DLGAP2: variants seen among roughly 807,000 people sequenced by gnomAD.
DLGAP2 encodes DLG associated protein 2, also known as disks large-associated protein 2.
DLGAP2 carries 26 observed loss-of-function variants against 100.3 expected under a neutral mutation model. That is an observed-to-expected ratio of 0.26 (90% confidence interval 0.19 to 0.36). The LOEUF (loss-of-function observed/expected upper bound fraction) is 0.36. DLGAP2 is among the 10% of genes least tolerant of loss of function. The probability of loss-of-function intolerance (pLI) is 1.00; values close to 1 mark genes in which losing one functional copy is unlikely to be tolerated. For missense variants in DLGAP2, 1,858 were observed against 1,453.2 expected (o/e 1.28, Z -4.53); for synonymous variants, 886 against 630.1 (o/e 1.41, Z -6.08).
intron 2 of DLGAP2, among the ~76,000 whole-genome samples, chr8:953,664 A>G (rs1046800926): frequency 1.3e-5 from 2 of 151,392 alleles, no homozygotes; most frequent in African/African-American, 4.9e-5. Flanking sequence ...GTCTTTTTTC[A>G]CATAAAAACA....
intron 4 of DLGAP2, among the ~76,000 whole-genome samples, chr8:1,533,556 C>A (rs1167482929): frequency 6.6e-6 from 1 of 151,660 alleles, no homozygotes; most frequent in South Asian, 2.1e-4. Flanking sequence ...GCACTGATGG[C>A]AATAAATAAA....
chr8:1,094,072 G>A (rs936405945), intron 2 of DLGAP2, among the ~76,000 whole-genome samples: 3 of 151,688 alleles, frequency 2.0e-5, no homozygotes, highest in East Asian at 2.0e-4. Flanking sequence ...GGGCAGCTGC[G>A]AGGTGGGCGG....
intron 1 of DLGAP2, among the ~76,000 whole-genome samples, chr8:897,732 C>A (rs777723742): frequency 2.6e-5 from 4 of 151,968 alleles, no homozygotes; most frequent in Admixed American, 6.6e-5. Flanking sequence ...TCCTGAGTTT[C>A]GGGTGAGCCA....
intron 3 of DLGAP2, among the ~76,000 whole-genome samples, chr8:1,350,116 G>C (rs1383772718): frequency 2.0e-5 from 3 of 152,124 alleles, no homozygotes; most frequent in African/African-American, 7.2e-5. Context: ...AAAATCAGCT[G>C]GTTATTAAAC....
At chr8:1,504,099 G>A (rs1327560439) in intron 4 of DLGAP2, among the ~76,000 whole-genome samples, 2 of 151,886 alleles carry the variant, frequency 1.3e-5, no homozygotes, top group East Asian at 1.9e-4. Context: ...TGTCAGTCAG[G>A]ATCACTTGGG....
At chr8:815,431 G>A (rs1275208796) in intron 1 of DLGAP2, among the ~76,000 whole-genome samples, 1 of 152,214 alleles carries the variant, frequency 6.6e-6, no homozygotes, top group Non-Finnish European at 1.5e-5. Context: ...GACCATCACA[G>A]TGGTCAGTCA....
intron 1 of DLGAP2, among the ~76,000 whole-genome samples, chr8:897,832 G>A (rs558215494): frequency 3.3e-5 from 5 of 152,260 alleles, no homozygotes; most frequent in East Asian, 1.9e-4. Context: ...GGTGCTCTCC[G>A]TGCGGGGTTG....
chr8:1,170,283 G>T (rs1469669120), intron 2 of DLGAP2, among the ~76,000 whole-genome samples: 1 of 152,072 alleles, frequency 6.6e-6, no homozygotes, highest in East Asian at 1.9e-4. Flanking sequence ...GATTCGTTTT[G>T]CCAGTATTTT....
intron 1 of DLGAP2, among the ~76,000 whole-genome samples, chr8:807,293 G>A (rs868165176): frequency 9.8e-4 from 120 of 122,936 alleles, no homozygotes; most frequent in African/African-American, 3.7e-3. Context: ...TCATTCATAC[G>A]TTCTCTCTCC....
At chr8:1,224,925 T>C (rs543805701) in intron 2 of DLGAP2, among the ~76,000 whole-genome samples, 3 of 152,272 alleles carry the variant, frequency 2.0e-5, no homozygotes, top group Non-Finnish European at 4.4e-5. Context: ...GTGACAAAAT[T>C]AATCGGAAGC....
intron 4 of DLGAP2, among the ~76,000 whole-genome samples, chr8:1,507,522 G>A (rs1384888743): frequency 2.6e-5 from 4 of 151,994 alleles, no homozygotes; most frequent in Non-Finnish European, 5.9e-5. Context: ...ACGCCTCCCC[G>A]CAAGCAGAGG....
chr8:1,345,568 C>A (rs888992140), intron 3 of DLGAP2, among the ~76,000 whole-genome samples: 2 of 152,202 alleles, frequency 1.3e-5, no homozygotes, highest in African/African-American at 2.4e-5. Context: ...CTTAAGAAAA[C>A]ACATTGTGTG....
chr8:1,660,812 C>G (rs6993274), intron 8 of DLGAP2, among the ~76,000 whole-genome samples: 6,352 of 152,276 alleles, frequency 0.042, 439 homozygotes, highest in African/African-American at 0.14. Context: ...TCAATCAAAA[C>G]TTTCCCTTGG....
Position 1,704,473 on chromosome 8 carries a change from C to G in DLGAP2, c.*3067C>G, listed in dbSNP as rs760244836. 3 of 152,220 alleles carry G rather than the reference C, an allele frequency of 2.0e-5. No individual in the cohort carries two copies. The highest frequency in any genetic ancestry group is 2.9e-5 in the Non-Finnish European group (2 of 68,036). 9.4% of individuals were successfully genotyped at this position (152,220 alleles called of 1,614,324 possible). On this transcript the variant is annotated 3_prime_UTR_variant, in exon 15 of 15. Transcript: ENST00000637795. ...GGGAAAGGAGAATGCTGCTTGTCACCTAGAGTGCTTTCCTTGTGATGCGTC... is the reference window on the plus strand; with the variant it reads ...GGGAAAGGAGAATGCTGCTTGTCACGTAGAGTGCTTTCCTTGTGATGCGTC...
At chr8:1,542,659 G>A (rs1050348983) in intron 4 of DLGAP2, among the ~76,000 whole-genome samples, 9 of 152,150 alleles carry the variant, frequency 5.9e-5, no homozygotes, top group South Asian at 2.1e-4. Context: ...CATTGAGGTC[G>A]TCTCCACTTT....
intron 3 of DLGAP2, among the ~76,000 whole-genome samples, chr8:1,309,497 C>A (rs1800564485): frequency 6.6e-6 from 1 of 152,150 alleles, no homozygotes; most frequent in South Asian, 2.1e-4. Flanking sequence ...AGTTTATAGT[C>A]AGTAAAACTA....
At chr8:1,391,133 T>C (rs1338653611) in intron 3 of DLGAP2, among the ~76,000 whole-genome samples, 1 of 152,110 alleles carries the variant, frequency 6.6e-6, no homozygotes, top group Non-Finnish European at 1.5e-5. Flanking sequence ...GAGGCAGAAA[T>C]GTCTGGGGAT....
intron 3 of DLGAP2, among the ~76,000 whole-genome samples, chr8:1,411,353 A>C (rs1229844411): frequency 6.6e-6 from 1 of 152,234 alleles, no homozygotes; most frequent in Non-Finnish European, 1.5e-5. Flanking sequence ...GAAGGCAGGG[A>C]ATTATAATGT....
At chr8:896,368 C>T (rs1243575208) in intron 1 of DLGAP2, among the ~76,000 whole-genome samples, 1 of 151,640 alleles carries the variant, frequency 6.6e-6, no homozygotes, top group East Asian at 1.9e-4. Flanking sequence ...GGTACCATTG[C>T]CAGTTCCACC....
Sources: allele counts gnomAD v4.1 joint callset (sites outside exome capture counted in the v4.1 genomes callset), GRCh38; gene constraint gnomAD v4.1.1; transcripts MANE v1.5; gene names NCBI Gene and HGNC (gene_info 2026-07-23, HGNC 2026-07-21).